Variants in RBPJ observed in about 807,000 individuals in gnomAD.
The protein encoded by RBPJ is recombining binding protein suppressor of hairless.
RBPJ carries 9 observed loss-of-function variants against 67.8 expected under a neutral mutation model. That is an observed-to-expected ratio of 0.13 (90% CI 0.08 to 0.23). The LOEUF is 0.23. RBPJ is among the 10% of genes least tolerant of loss of function. The probability of loss-of-function intolerance (pLI) is 1.00; values close to 1 mark genes in which losing one functional copy is unlikely to be tolerated. For synonymous variants in RBPJ, 198 were observed against 203.3 expected (o/e 0.97, Z 0.22); for missense variants, 305 against 595.6 (o/e 0.51, Z 5.08).
intron 1 of RBPJ, among the ~76,000 whole-genome samples, chr4:26,305,987 T>A (rs1722226156): frequency 6.7e-6 from 1 of 150,196 alleles, no homozygotes; most frequent in Non-Finnish European, 1.5e-5. Flanking sequence ...GGTTTCACCA[T>A]TTTAGCCAGG....
chr4:26,124,165 C>T, the RBPJ span, among the ~76,000 whole-genome samples: 1 of 151,598 alleles, frequency 6.6e-6, no homozygotes, highest in African/African-American at 2.4e-5. Context: ...GAGCAGTATA[C>T]CCTGCACACT....
chr4:26,305,504 G>A (rs1271413630), intron 1 of RBPJ, among the ~76,000 whole-genome samples: 1 of 152,090 alleles, frequency 6.6e-6, no homozygotes, highest in Non-Finnish European at 1.5e-5. Context: ...TTTCAACAAT[G>A]TTTTGTAGAT....
At chr4:26,149,214 G>T in the RBPJ span, among the ~76,000 whole-genome samples, 1 of 152,188 alleles carries the variant, frequency 6.6e-6, no homozygotes, top group Non-Finnish European at 1.5e-5. Context: ...CTGAATTAGG[G>T]AGTTAGAATC....
At chr4:26,336,465 A>G (rs1350132161) in intron 1 of RBPJ, among the ~76,000 whole-genome samples, 1 of 152,098 alleles carries the variant, frequency 6.6e-6, no homozygotes, top group South Asian at 2.1e-4. Flanking sequence ...TCTGGGCAAC[A>G]TAGGAAGACC....
chr4:26,168,619 T>G (rs533064841), intron 1 of RBPJ, among the ~76,000 whole-genome samples: 1 of 152,362 alleles, frequency 6.6e-6, no homozygotes, highest in African/African-American at 2.4e-5. Flanking sequence ...AATGTTGGCC[T>G]GCCTTGCTAG....
intron 1 of RBPJ, among the ~76,000 whole-genome samples, chr4:26,192,727 C>G (rs182990247): frequency 3.2e-4 from 48 of 152,336 alleles, no homozygotes; most frequent in Admixed American, 3.1e-3. Flanking sequence ...GTTTAACCAT[C>G]ACCACACATT....
intron 3 of RBPJ, among the ~76,000 whole-genome samples, chr4:26,408,603 G>A (rs929545834): frequency 2.0e-5 from 3 of 152,160 alleles, no homozygotes; most frequent in African/African-American, 7.2e-5. Flanking sequence ...CTCCAATCAT[G>A]AGCCAGACAT....
upstream of RBPJ, among the ~76,000 whole-genome samples, chr4:26,158,945 TTCTCTCTCTCTC>T (rs5856933): frequency 3.5e-3 from 482 of 136,842 alleles, no homozygotes; most frequent in African/African-American, 9.6e-3. Flanking sequence ...CTCTCTCTCT[TTCTCTCTCTCTC>T]TCTCTCTCTC....
rs138481873 is a variant in RBPJ at position 26,344,071 on chromosome 4, A to G, written c.20+23023A>G. On this transcript the variant is annotated intron_variant, in intron 1 of 10. Coordinates refer to ENST00000355476, the MANE Select transcript of RBPJ (RefSeq NM_015874.6). ...CAGCCTGTACTTCTTTTTAGTAGAG[A>G]TGGCATTTTGCCATGTTGGCCAGGC... Among the ~76,000 whole-genome samples the G allele has an allele frequency of 7.3e-4, 111 of 151,278 alleles. 1 individual carries two copies. The highest frequency in any genetic ancestry group is 3.4e-3 in the Middle Eastern group (1 of 294).
At chr4:26,135,687 G>A in the RBPJ span, among the ~76,000 whole-genome samples, 2 of 152,168 alleles carry the variant, frequency 1.3e-5, no homozygotes, top group Non-Finnish European at 2.9e-5. Context: ...TGAGGAAGAA[G>A]GAGCTGCATT....
intron 1 of RBPJ, among the ~76,000 whole-genome samples, chr4:26,309,479 A>G (rs1722354552): frequency 6.6e-6 from 1 of 152,218 alleles, no homozygotes; most frequent in Non-Finnish European, 1.5e-5. Flanking sequence ...TTTATGTAAT[A>G]CCTCAATTAA....
upstream of RBPJ, among the ~76,000 whole-genome samples, chr4:26,315,167 A>AAAAAAAAAATATATATAT (rs1325689348): frequency 4.0e-5 from 3 of 74,754 alleles, no homozygotes; most frequent in African/African-American, 2.0e-4. Context: ...AAAAAAAAAA[A>AAAAAAAAAATATATATAT]ATATATATAT....
intron 1 of RBPJ, among the ~76,000 whole-genome samples, chr4:26,265,899 T>G (rs1425671000): frequency 6.6e-6 from 1 of 152,076 alleles, no homozygotes. Context: ...TAGCCGGGCC[T>G]GGTGGCACAT....
At chr4:26,285,179 A>G (rs1016303226) in intron 1 of RBPJ, among the ~76,000 whole-genome samples, 2 of 152,060 alleles carry the variant, frequency 1.3e-5, no homozygotes, top group Admixed American at 1.3e-4. Context: ...ATTCAAACAT[A>G]TATCTCAGTG....
intron 1 of RBPJ, among the ~76,000 whole-genome samples, chr4:26,335,778 C>T (rs530548566): frequency 9.9e-5 from 15 of 151,772 alleles, no homozygotes; most frequent in African/African-American, 2.4e-4. Flanking sequence ...GCACCACCTA[C>T]GCCCGGCTAA....
At chr4:26,151,702 G>T in the RBPJ span, among the ~76,000 whole-genome samples, 1 of 152,200 alleles carries the variant, frequency 6.6e-6, no homozygotes, top group South Asian at 2.1e-4. Flanking sequence ...TCCCTCTGCT[G>T]GGTTGATCCT....
At chr4:26,109,936 C>G in the RBPJ span, among the ~76,000 whole-genome samples, 2 of 151,992 alleles carry the variant, frequency 1.3e-5, no homozygotes, top group Non-Finnish European at 2.9e-5. Flanking sequence ...CTCTTCTTCC[C>G]TACTCTGGGA....
rs115838997 is a variant in RBPJ, at chr4:26,185,440, G to C, written c.-167+21826G>C. On this transcript the variant is annotated intron_variant, in intron 1 of 4. Transcript: ENST00000512351. ...TTTCCTCACTGCTGCAAAGGAAATCGTAAGAGCATTTTGCCCACTCCAAAC... is the reference window on the plus strand; with the variant it reads ...TTTCCTCACTGCTGCAAAGGAAATCCTAAGAGCATTTTGCCCACTCCAAAC... 8.1e-3 allele frequency among the ~76,000 whole-genome samples: 1,231 copies of C among 152,314 alleles called. 20 individuals are homozygous for C. The highest frequency in any genetic ancestry group is 0.028 in the African/African-American group (1,174 of 41,562).
chr4:26,358,877 C>G (rs1365210622), intron 1 of RBPJ, among the ~76,000 whole-genome samples: 1 of 152,080 alleles, frequency 6.6e-6, no homozygotes, highest in East Asian at 1.9e-4. Context: ...TCATTATGTT[C>G]CAGATATTGT....
Sources: gnomAD v4.1 joint callset for allele counts (sites outside exome capture counted in the v4.1 genomes callset) on GRCh38, gnomAD v4.1.1 for gene constraint, MANE v1.5 for transcripts, NCBI Gene and HGNC (gene_info 2026-07-23, HGNC 2026-07-21) for gene names.